MDN1: variants seen among roughly 807,000 people sequenced by gnomAD.
The protein encoded by MDN1 is midasin AAA ATPase 1, also known as midasin.
A neutral mutation model predicts 669.2 loss-of-function variants in MDN1; 266 were observed. The observed-to-expected ratio is 0.40, with a 90% CI of 0.36 to 0.44. The LOEUF (loss-of-function observed/expected upper bound fraction) is 0.44, where lower values mean the gene tolerates loss of function less well. Ranked by LOEUF, MDN1 falls within the 20% of genes least tolerant of loss-of-function variation. The pLI is 1.00. For missense variants in MDN1, 5,940 were observed against 6,754.0 expected (o/e 0.88, Z 4.22); for synonymous variants, 2,385 against 2,457.1 (o/e 0.97, Z 0.87).
intron 22 of MDN1, 68 bp downstream of exon 22, chr6:89,753,444 C>G: frequency 8.3e-7 from 1 of 1,202,028 alleles, no homozygotes; most frequent in African/African-American, 1.6e-5. Flanking sequence ...AAAAAAAAAC[C>G]AAACAGCTGA....
At chr6:89,651,516 T>A (rs1049724259) in intron 95 of MDN1, among the ~76,000 whole-genome samples, 2 of 151,998 alleles carry the variant, frequency 1.3e-5, no homozygotes, top group African/African-American at 2.4e-5. Flanking sequence ...CTTGGGAGGC[T>A]GAGGCACGAG....
chr6:89,714,772 AG>A, intron 45 of MDN1, 21 bp from the exon 46 acceptor site: 1 of 1,597,798 alleles, frequency 6.3e-7, no homozygotes, highest in Middle Eastern at 1.7e-4. Flanking sequence ...AGCAATTCAA[AG>A]AAAAAAATGA....
intron 44 of MDN1, 83 bp from the exon 45 acceptor site, chr6:89,715,852 C>T: frequency 1.1e-6 from 1 of 871,332 alleles, no homozygotes; most frequent in Admixed American, 1.7e-5. Context: ...GCTCCAAATG[C>T]TTTTGACTCA....
chr6:89,706,812 G>A (rs1316871842), intron 52 of MDN1, among the ~76,000 whole-genome samples: 1 of 152,034 alleles, frequency 6.6e-6, no homozygotes, highest in African/African-American at 2.4e-5. Flanking sequence ...TAGATAGATA[G>A]TTAATACCAA....
chr6:89,781,538 T>A lies in MDN1; in HGVS notation c.1504A>T (p.Ile502Phe). 1 of 1,613,684 alleles carries A rather than the reference T, an allele frequency of 6.2e-7. No individual in the cohort carries two copies. Among genetic ancestry groups the A allele is most frequent in the Non-Finnish European group, 8.5e-7 (1 of 1,179,708 alleles). Residue 502 changes from isoleucine to phenylalanine, a missense_variant, in exon 10 of 102, where the codon ATT becomes TTT. Physicochemically the swap from Ile to Phe is conservative, Grantham distance 21. Transcript: ENST00000369393. ...TTCTCTCCAGTAAGTTGGATATAAA[T>A]GTCAAGCAGGTGATCAACCACTGCC... ...LLAVVDHLLD[I>F]YIQLTGEKHH...
Position 89,662,249 on chromosome 6 carries a change from A to C in MDN1, c.14413-10T>G. 1 of 1,601,516 alleles carries C rather than the reference A, an allele frequency of 6.2e-7. No homozygotes were observed. Among genetic ancestry groups the C allele is most frequent in the Non-Finnish European group, 8.5e-7 (1 of 1,176,672 alleles). On this transcript the variant is annotated splice_polypyrimidine_tract_variant and intron_variant, in intron 86 of 101. Coordinates refer to ENST00000369393, the MANE Select transcript of MDN1 (RefSeq NM_014611.3). ...CAAGTTCAGAATCTTCCTAAATGTC[A>C]GAGGAAGAAAAAACAATCATCACAC... is the stretch of plus-strand genomic sequence containing the variant.
intron 31 of MDN1, 105 bp downstream of exon 31, chr6:89,743,045 G>C: frequency 7.4e-7 from 1 of 1,358,082 alleles, no homozygotes; most frequent in Admixed American, 2.2e-5. Context: ...TCATGACACG[G>C]CACTGCAGCC....
chr6:89,738,002 G>T (rs1357421050), intron 33 of MDN1, among the ~76,000 whole-genome samples: 1 of 152,142 alleles, frequency 6.6e-6, no homozygotes, highest in East Asian at 1.9e-4. Context: ...GGGATTACAG[G>T]TGTGAACCAC....
Position 89,727,561 on chromosome 6 carries a change from G to A in MDN1, c.5472+272C>T, listed in dbSNP as rs147548108. On this transcript the variant is annotated intron_variant, in intron 37 of 101. Coordinates refer to ENST00000369393, the MANE Select transcript of MDN1 (RefSeq NM_014611.3). ...AAATGCAGAAACGGCAAGCCTGTCA[G>A]AGACTAAACTAGTGACGATGCAGTT... 7.9e-5 allele frequency among the ~76,000 whole-genome samples: 12 copies of A among 152,290 alleles called. No individual in the cohort carries two copies. The East Asian group carries it at 2.1e-3, about 27-fold the overall frequency.
rs936664334 is a variant in MDN1 at position 89,684,976 on chromosome 6, C to T, written c.11729G>A (p.Cys3910Tyr). The T allele has an allele frequency of 1.2e-6, 2 of 1,607,714 alleles. No homozygotes were observed. The highest frequency in any genetic ancestry group is 2.7e-5 in the African/African-American group (2 of 74,842). ...MPQVEGKDSLCSVLWNLYHYY... is the reference protein window; with the variant it reads ...MPQVEGKDSLYSVLWNLYHYY... Reference sequence around the variant, plus strand: ...ATGGTACAAATTCCATAGAACACTGCAAAGTGAATCTGGAAGAAATGAAAA... The same window carrying T: ...ATGGTACAAATTCCATAGAACACTGTAAAGTGAATCTGGAAGAAATGAAAA... The change falls in exon 71 of 102, where the codon TGC (cysteine) becomes TAC (tyrosine). Residue 3910 changes from cysteine (C) to tyrosine (Y), a missense_variant. Coordinates refer to ENST00000369393, the MANE Select transcript of MDN1 (RefSeq NM_014611.3).
intron 33 of MDN1, 125 bp from the exon 34 acceptor site, chr6:89,732,900 T>C (rs1264522278): frequency 1.4e-6 from 1 of 737,150 alleles, no homozygotes; most frequent in Non-Finnish European, 2.2e-6. Context: ...GTTCTGTGAA[T>C]GAATGTACAT....
intron 95 of MDN1, among the ~76,000 whole-genome samples, chr6:89,651,187 T>C (rs1808832201): frequency 6.8e-6 from 1 of 146,372 alleles, no homozygotes; most frequent in African/African-American, 2.5e-5. Flanking sequence ...TAGCTGGGCA[T>C]GGGGGCAGGC....
intron 15 of MDN1, among the ~76,000 whole-genome samples, chr6:89,765,260 C>T (rs1817754259): frequency 6.6e-6 from 1 of 151,672 alleles, no homozygotes; most frequent in Admixed American, 6.6e-5. Context: ...ATGCCATACA[C>T]ACACACACAC....
chr6:89,680,482 A>G (rs1217292236), intron 74 of MDN1, 107 bp downstream of exon 74: 4 of 1,348,990 alleles, frequency 3.0e-6, no homozygotes, highest in Non-Finnish European at 4.0e-6. Flanking sequence ...CAACTGTTCA[A>G]CACTACACAA....
chr6:89,700,241 G>A lies in MDN1; in HGVS notation c.8692C>T (p.Leu2898Phe). 1 of 1,614,176 alleles carries A rather than the reference G, an allele frequency of 6.2e-7. No homozygotes were observed. Among genetic ancestry groups the A allele is most frequent in the Non-Finnish European group, 8.5e-7 (1 of 1,180,026 alleles). Residue 2898 changes from leucine (L) to phenylalanine (F), a missense_variant, in exon 57 of 102, where the codon CTC (leucine) becomes TTC (phenylalanine). Transcript: ENST00000369393. ...TTTTTCTCCAGAAAACCAAGTGAGAGTCCTTTGGCTTTCAGTTCTAAACAC... is the reference window on the plus strand; with the variant it reads ...TTTTTCTCCAGAAAACCAAGTGAGAATCCTTTGGCTTTCAGTTCTAAACAC... ...AQCLELKAKG[L>F]SLGFLEKKHD... is the part of the protein sequence containing the mutation.
chr6:89,786,606 T>TA (rs989878248), intron 8 of MDN1, among the ~76,000 whole-genome samples: 2 of 150,986 alleles, frequency 1.3e-5, no homozygotes, highest in Non-Finnish European at 3.0e-5. Flanking sequence ...ACACTGTCTC[T>TA]AAAAAATAAA....
rs139227060 is a variant in MDN1 at position 89,735,792 on chromosome 6, C to T, written c.4723+2534G>A. Among the ~76,000 whole-genome samples, 504 of 152,210 alleles carry T rather than the reference C, an allele frequency of 3.3e-3. 7 individuals carry two copies. The highest frequency in any genetic ancestry group is 0.012 in the African/African-American group (479 of 41,550). On this transcript the variant is annotated intron_variant, in intron 33 of 101. Coordinates refer to ENST00000369393, the MANE Select transcript of MDN1 (RefSeq NM_014611.3). ...ATCCCAGCACTTTGGGAGGCCAAGG[C>T]GGGCGGATCACAAGGTCAAGAGATC...
At chr6:89,769,168 G>C (rs1200498358) in intron 15 of MDN1, among the ~76,000 whole-genome samples, 1 of 152,094 alleles carries the variant, frequency 6.6e-6, no homozygotes, top group African/African-American at 2.4e-5. Flanking sequence ...AACACGGCCT[G>C]AGGATAGGAA....
chr6:89,766,186 G>T (rs1411037767), intron 15 of MDN1, among the ~76,000 whole-genome samples: 1 of 151,870 alleles, frequency 6.6e-6, no homozygotes, highest in Non-Finnish European at 1.5e-5. Flanking sequence ...GTAATCCCAG[G>T]TACTCAGGAG....
Sources: allele counts gnomAD v4.1 joint callset (sites outside exome capture counted in the v4.1 genomes callset), GRCh38; gene constraint gnomAD v4.1.1; transcripts MANE v1.5; gene names NCBI Gene and HGNC (gene_info 2026-07-23, HGNC 2026-07-21).